The following ZPBP variants were observed in gnomAD, a reference collection of about 807,000 sequenced individuals.
ZPBP encodes the protein zona pellucida-binding protein 1.
A neutral mutation model predicts 44.8 loss-of-function variants in ZPBP; 26 were observed. The ratio of observed to expected loss-of-function variants is 0.58; its 90% CI spans 0.43 to 0.81. The LOEUF is 0.81. Among genes scored for constraint, ZPBP ranks in the 30% least tolerant of loss-of-function variants. The pLI is 0.00. For missense variants in ZPBP, 409 were observed against 434.0 expected, an observed-to-expected ratio of 0.94 and a Z score of 0.51; for synonymous variants, 174 against 153.2, an observed-to-expected ratio of 1.14 and a Z score of -1.00.
At chr7:50,017,095 T>G (rs1027508835) in intron 6 of ZPBP, among the ~76,000 whole-genome samples, 17 of 152,204 alleles carry the variant, frequency 1.1e-4, no homozygotes, top group African/African-American at 4.1e-4. Flanking sequence ...TGCACTTTAT[T>G]TATATTATTA....
At chr7:49,961,446 G>C (rs891915669) in intron 7 of ZPBP, among the ~76,000 whole-genome samples, 1 of 152,086 alleles carries the variant, frequency 6.6e-6, no homozygotes, top group East Asian at 1.9e-4. Context: ...CAAAGCCTAG[G>C]AGTAGGTGTT....
At chr7:50,026,226 C>A (rs1294727649) in intron 5 of ZPBP, among the ~76,000 whole-genome samples, 1 of 151,228 alleles carries the variant, frequency 6.6e-6, no homozygotes, top group Admixed American at 6.6e-5. Flanking sequence ...GATAAAAGGG[C>A]CAATCTATTA....
At chr7:49,899,214 T>A (rs1437752898) in intron 2 of ZPBP, among the ~76,000 whole-genome samples, 1 of 152,130 alleles carries the variant, frequency 6.6e-6, no homozygotes, top group African/African-American at 2.4e-5. Flanking sequence ...TTTTCCCTTA[T>A]AATAATGGGT....
At chr7:50,076,034 AG>A (rs1802060310) in intron 3 of ZPBP, among the ~76,000 whole-genome samples, 1 of 151,938 alleles carries the variant, frequency 6.6e-6, no homozygotes, top group African/African-American at 2.4e-5. Flanking sequence ...ATTCAACAAA[AG>A]GTTAGAAAGA....
At chr7:50,039,126 A>G (rs528947175) in intron 4 of ZPBP, among the ~76,000 whole-genome samples, 2 of 152,360 alleles carry the variant, frequency 1.3e-5, no homozygotes, top group East Asian at 3.9e-4. Flanking sequence ...TTTAAAAAAT[A>G]AACACTTCAA....
intron 3 of ZPBP, among the ~76,000 whole-genome samples, chr7:50,064,918 A>G (rs1024526282): frequency 5.9e-5 from 9 of 152,244 alleles, no homozygotes; most frequent in Admixed American, 3.9e-4. Flanking sequence ...TGGGAAAGTG[A>G]TAAGTATCCA....
At chr7:50,023,103 C>T (rs1002150195) in intron 5 of ZPBP, among the ~76,000 whole-genome samples, 1 of 151,924 alleles carries the variant, frequency 6.6e-6, no homozygotes, top group Non-Finnish European at 1.5e-5. Context: ...TTTTGGAAAC[C>T]CCGCCTCAAG....
chr7:49,985,458 G>C (rs1352768538), intron 6 of ZPBP, among the ~76,000 whole-genome samples: 1 of 152,034 alleles, frequency 6.6e-6, no homozygotes, highest in East Asian at 1.9e-4. Flanking sequence ...TTCAAAATCT[G>C]AAAATATCTG....
chr7:50,004,493 T>A (rs1013450698), intron 6 of ZPBP, among the ~76,000 whole-genome samples: 2 of 152,108 alleles, frequency 1.3e-5, no homozygotes, highest in African/African-American at 4.8e-5. Flanking sequence ...GGATTTTGCC[T>A]TATAATTCTG....
At chr7:50,026,739 C>CCA (rs1235435530) in intron 5 of ZPBP, among the ~76,000 whole-genome samples, 9 of 151,450 alleles carry the variant, frequency 5.9e-5, no homozygotes, top group African/African-American at 1.2e-4. Context: ...AACAAAAAAA[C>CCA]CACACACACA....
chr7:49,873,918 AC>A (rs1455257714), intron 2 of ZPBP, among the ~76,000 whole-genome samples: 22 of 146,946 alleles, frequency 1.5e-4, no homozygotes, highest in African/African-American at 4.5e-4. Context: ...AAAAAAAAAA[AC>A]AACAAAAAAA....
intron 2 of ZPBP, among the ~76,000 whole-genome samples, chr7:49,888,638 C>G (rs889058155): frequency 6.6e-6 from 1 of 152,132 alleles, no homozygotes; most frequent in Non-Finnish European, 1.5e-5. Flanking sequence ...TTGCCAGGCG[C>G]GGTGGCTCAC....
intron 6 of ZPBP, among the ~76,000 whole-genome samples, chr7:50,014,832 G>A (rs1798751025): frequency 6.6e-6 from 1 of 152,012 alleles, no homozygotes; most frequent in African/African-American, 2.4e-5. Flanking sequence ...GTATGCCAAA[G>A]TAAATTTGGC....
intron 1 of ZPBP, 154 bp downstream of exon 1, chr7:50,092,914 G>T: frequency 1.7e-6 from 2 of 1,183,178 alleles, no homozygotes; most frequent in Non-Finnish European, 2.3e-6. Flanking sequence ...GACTTTGTAC[G>T]ACTTCCATAA....
chr7:50,044,141 A>T (rs1436144697), intron 4 of ZPBP, among the ~76,000 whole-genome samples: 2 of 152,240 alleles, frequency 1.3e-5, no homozygotes, highest in Admixed American at 1.3e-4. Flanking sequence ...AACGTACCAG[A>T]ATCTCTGGGA....
chr7:49,894,825 C>T (rs1243378743), intron 2 of ZPBP, among the ~76,000 whole-genome samples: 1 of 152,218 alleles, frequency 6.6e-6, no homozygotes, highest in African/African-American at 2.4e-5. Flanking sequence ...GCCTTATCAT[C>T]TGTTCAGCGC....
Position 49,882,623 on chromosome 7 carries a change from GGA to G in ZPBP, n.509+18493_509+18494del, listed in dbSNP as rs1057152712. ...GATAGTGAGTACAGAAAGGAGGCAGGGAGAGAGACAGGGAGAGAGGTAAACAC... is the reference window on the plus strand; with the variant it reads ...GATAGTGAGTACAGAAAGGAGGCAGGGAGAGACAGGGAGAGAGGTAAACAC... On this transcript the variant is annotated intron_variant and non_coding_transcript_variant, in intron 2 of 2. Transcript: ENST00000465922. 3.6e-4 allele frequency among the ~76,000 whole-genome samples: 55 copies of G among 151,972 alleles called. 1 individual carries two copies. Among genetic ancestry groups the G allele is most frequent in the Non-Finnish European group, 1.2e-4 (8 of 67,984 alleles).
intron 2 of ZPBP, among the ~76,000 whole-genome samples, chr7:49,864,603 G>A (rs691413): frequency 0.8 from 121,701 of 152,138 alleles, 48,860 homozygotes; most frequent in East Asian, 0.92. Flanking sequence ...TCAGCCTTAC[G>A]GTGTTTTCGA....
intron 6 of ZPBP, among the ~76,000 whole-genome samples, chr7:49,986,234 C>G (rs1033279062): frequency 6.6e-6 from 1 of 152,160 alleles, no homozygotes; most frequent in African/African-American, 2.4e-5. Flanking sequence ...CTGTATCCCC[C>G]ACCCTCCGTT....
Sources: gnomAD v4.1 joint callset for allele counts (sites outside exome capture counted in the v4.1 genomes callset) on GRCh38, gnomAD v4.1.1 for gene constraint, MANE v1.5 for transcripts, NCBI Gene and HGNC (gene_info 2026-07-23, HGNC 2026-07-21) for gene names.